Variants in MAL observed in about 807,000 individuals in gnomAD.
MAL encodes the protein myelin and lymphocyte protein.
Under a neutral mutation model 16.7 loss-of-function variants are expected in MAL, and 5 were observed. The ratio of observed to expected loss-of-function variants is 0.30; its 90% confidence interval spans 0.16 to 0.63. The LOEUF (loss-of-function observed/expected upper bound fraction) is 0.63. Ranked by LOEUF, MAL falls within the 30% of genes least tolerant of loss-of-function variation. MAL has a pLI of 0.82. For missense variants in MAL, 202 were observed against 195.8 expected (o/e 1.03, Z -0.19); for synonymous variants, 96 against 85.5 (o/e 1.12, Z -0.67).
chr2:95,036,179 G>A (rs1350155933), intron 1 of MAL, among the ~76,000 whole-genome samples: 1 of 152,222 alleles, frequency 6.6e-6, no homozygotes, highest in African/African-American at 2.4e-5. Flanking sequence ...GGTAAACCAA[G>A]TCAGGTCCCA....
chr2:95,046,064 A>C (rs1674579020), intron 1 of MAL, among the ~76,000 whole-genome samples: 1 of 152,180 alleles, frequency 6.6e-6, no homozygotes. Flanking sequence ...GTTTTAATAA[A>C]TCCAAAGTCT....
chr2:95,041,332 T>C (rs1306764262), intron 1 of MAL, among the ~76,000 whole-genome samples: 2 of 152,238 alleles, frequency 1.3e-5, no homozygotes, highest in African/African-American at 4.8e-5. Context: ...CACATTTTTC[T>C]CAACTTTTGG....
At chr2:95,039,528 CTGAGTGGG>C (rs1224894070) in intron 1 of MAL, among the ~76,000 whole-genome samples, 3 of 128,006 alleles carry the variant, frequency 2.3e-5, no homozygotes, top group African/African-American at 9.2e-5. Flanking sequence ...GACTGAGTGA[CTGAGTGGG>C]TGAGTGAGTG....
At chr2:95,035,074 T>C (rs1674173745) in intron 1 of MAL, among the ~76,000 whole-genome samples, 1 of 152,044 alleles carries the variant, frequency 6.6e-6, no homozygotes, top group East Asian at 1.9e-4. Context: ...GGACAGAGGG[T>C]GAAACTGACA....
At chr2:95,037,911 GGTGAGTGAGTGACTGA>G (rs1674286200) in intron 1 of MAL, among the ~76,000 whole-genome samples, 1 of 68,322 alleles carries the variant, frequency 1.5e-5, no homozygotes, top group African/African-American at 5.8e-5. Flanking sequence ...TGAGTGACTT[GGTGAGTGAGTGACTGA>G]GTGAGTGAGT....
chr2:95,035,136 C>T (rs1250655285), intron 1 of MAL, among the ~76,000 whole-genome samples: 2 of 152,202 alleles, frequency 1.3e-5, no homozygotes, highest in African/African-American at 2.4e-5. Context: ...CTTGGACCCT[C>T]CCAGACCCTG....
intron 1 of MAL, chr2:95,026,388 C>A (rs893692267): frequency 6.6e-6 from 1 of 152,256 alleles, no homozygotes; most frequent in Admixed American, 6.5e-5. Context: ...TTTCTTCTGG[C>A]CTTTTAAAGT....
At chr2:95,027,230 G>T (rs1433003972) in intron 1 of MAL, among the ~76,000 whole-genome samples, 1 of 152,168 alleles carries the variant, frequency 6.6e-6, no homozygotes, top group Non-Finnish European at 1.5e-5. Flanking sequence ...CCAGTTAGAC[G>T]GGGCGATCTG....
intron 1 of MAL, among the ~76,000 whole-genome samples, chr2:95,047,519 A>G (rs1466238286): frequency 1.3e-5 from 2 of 152,166 alleles, no homozygotes; most frequent in Admixed American, 6.5e-5. Flanking sequence ...TCAGGAGTTC[A>G]AGACCAGCCT....
At chr2:95,040,524 C>T (rs1054985296) in intron 1 of MAL, among the ~76,000 whole-genome samples, 5 of 152,240 alleles carry the variant, frequency 3.3e-5, no homozygotes, top group African/African-American at 9.6e-5. Context: ...TGAGCCTCTC[C>T]TGAACCACAC....
At chr2:95,052,725 G>T (rs1174802806) in intron 3 of MAL, among the ~76,000 whole-genome samples, 4 of 152,172 alleles carry the variant, frequency 2.6e-5, no homozygotes, top group African/African-American at 9.7e-5. Flanking sequence ...AGAAAGCAGG[G>T]CCATCGCTCC....
chr2:95,053,731 T>A lies in MAL; in HGVS notation c.*276T>A. On this transcript the variant is annotated 3_prime_UTR_variant, in exon 4 of 4. Transcript: ENST00000309988. Reference sequence around the variant, plus strand: ...ACCTCCTGTTTGTGAAAGGGGACCTTCTTGTTCGGGGGTGGGAAGTGGCGA... The same window carrying A: ...ACCTCCTGTTTGTGAAAGGGGACCTACTTGTTCGGGGGTGGGAAGTGGCGA... 2.3e-6 allele frequency: 1 copy of A among 426,872 alleles called. No homozygotes were observed. Among genetic ancestry groups the A allele is most frequent in the East Asian group, 3.8e-5 (1 of 26,352 alleles). 26.4% of individuals were successfully genotyped at this position (426,872 alleles called of 1,614,324 possible).
intron 1 of MAL, among the ~76,000 whole-genome samples, chr2:95,039,235 A>AGTGG (rs1674370138): frequency 6.7e-6 from 1 of 150,186 alleles, no homozygotes; most frequent in Non-Finnish European, 1.5e-5. Flanking sequence ...TGAGTGACTG[A>AGTGG]GTGACTGAGT....
chr2:95,029,601 T>C (rs1674027900), intron 1 of MAL, among the ~76,000 whole-genome samples: 1 of 152,228 alleles, frequency 6.6e-6, no homozygotes, highest in South Asian at 2.1e-4. Flanking sequence ...CCAGAGACAC[T>C]TGGAGGATGT....
At position 95,053,641 on chromosome 2, in the gene MAL, C is replaced by A. The variant is rs1012135719; in HGVS notation, c.*186C>A. 3.4e-6 allele frequency: 2 copies of A among 592,362 alleles called. No homozygotes were observed. The highest frequency in any genetic ancestry group is 3.7e-5 in the African/African-American group (2 of 53,716). 36.7% of individuals were successfully genotyped at this position (592,362 alleles called of 1,614,324 possible). A position where few individuals can be genotyped will look rare whatever the true frequency, so the allele number is the denominator to read the frequency against. ...GGTGCTGTGTTTACTCTCCCGTGTG[C>A]CTTCGCGTCCGGGTTGGGAGCTTGC... On this transcript the variant is annotated 3_prime_UTR_variant, in exon 4 of 4. Coordinates refer to ENST00000309988, the MANE Select transcript of MAL (RefSeq NM_002371.4).
intron 1 of MAL, among the ~76,000 whole-genome samples, chr2:95,038,756 CTGAG>C (rs764363318): frequency 2.4e-4 from 30 of 124,956 alleles, no homozygotes; most frequent in East Asian, 7.7e-4. Context: ...GACTGACTGA[CTGAG>C]TGAGTGACTG....
At chr2:95,026,831 G>C (rs1003509471) in intron 1 of MAL, 1 of 152,314 alleles carries the variant, frequency 6.6e-6, no homozygotes, top group Non-Finnish European at 1.5e-5. Context: ...TCAGCGTGGA[G>C]AGTTGGGCGG....
chr2:95,039,296 G>C (rs2104347156), intron 1 of MAL, among the ~76,000 whole-genome samples: 1 of 150,982 alleles, frequency 6.6e-6, no homozygotes, highest in African/African-American at 2.4e-5. Context: ...GAGTGACTGA[G>C]TGACTGAGTG....
intron 1 of MAL, chr2:95,026,524 GT>G (rs1237410268): frequency 8.0e-6 from 1 of 125,258 alleles, no homozygotes; most frequent in African/African-American, 2.9e-5. Context: ...GGGGTGGGGG[GT>G]GGCGGCGAGA....
Sources: gnomAD v4.1 joint callset for allele counts (sites outside exome capture counted in the v4.1 genomes callset) on GRCh38, gnomAD v4.1.1 for gene constraint, MANE v1.5 for transcripts, NCBI Gene and HGNC (gene_info 2026-07-23, HGNC 2026-07-21) for gene names.